Variants in INTS7 observed in about 807,000 individuals in gnomAD.
INTS7 encodes the protein chromosome 1 open reading frame 73.
Under a neutral mutation model 109.2 loss-of-function variants are expected in INTS7, and 46 were observed. The ratio of observed to expected loss-of-function variants is 0.42; its 90% CI spans 0.33 to 0.54. INTS7 has a LOEUF of 0.54. Among genes scored for constraint, INTS7 ranks in the 20% least tolerant of loss-of-function variants. The pLI is 0.07. For synonymous variants in INTS7, 412 were observed against 402.9 expected, an observed-to-expected ratio of 1.02 and a Z score of -0.27; for missense variants, 929 against 1,132.4, an observed-to-expected ratio of 0.82 and a Z score of 2.58.
At chr1:212,028,386 C>T (rs946530376) in intron 1 of INTS7, among the ~76,000 whole-genome samples, 2 of 152,074 alleles carry the variant, frequency 1.3e-5, no homozygotes, top group Non-Finnish European at 2.9e-5. Flanking sequence ...AGTGTCTGAC[C>T]AAAGAAACAT....
At chr1:212,024,343 G>A (rs375960539) in intron 1 of INTS7, among the ~76,000 whole-genome samples, 4 of 152,186 alleles carry the variant, frequency 2.6e-5, no homozygotes, top group African/African-American at 7.2e-5. Flanking sequence ...CATGAGCATG[G>A]AATGTTTTTC....
chr1:211,975,552 T>C (rs1414009745), intron 12 of INTS7, among the ~76,000 whole-genome samples, 180 bp from the exon 13 acceptor site: 3 of 152,224 alleles, frequency 2.0e-5, no homozygotes, highest in Admixed American at 2.0e-4. Flanking sequence ...AGAGAAAATA[T>C]GCTGAGTTGC....
chr1:211,953,814 G>C (rs1378085810), intron 16 of INTS7, among the ~76,000 whole-genome samples: 1 of 151,532 alleles, frequency 6.6e-6, no homozygotes, highest in Admixed American at 6.6e-5. Context: ...TGGACATTTG[G>C]GTTGGTTCCA....
chr1:212,025,086 T>A (rs79502881), intron 1 of INTS7, among the ~76,000 whole-genome samples: 2,439 of 152,320 alleles, frequency 0.016, 65 homozygotes, highest in African/African-American at 0.056. Flanking sequence ...CTTGTTATTC[T>A]CCCTCTCTAA....
intron 9 of INTS7, 97 bp downstream of exon 9, chr1:211,982,579 A>C: frequency 2.2e-6 from 2 of 911,760 alleles, no homozygotes; most frequent in South Asian, 2.3e-5. Flanking sequence ...ATCAAGGCAC[A>C]CAGGCTAAAA....
rs1457936544 is a variant in INTS7, at chr1:211,975,229, A to C, written c.1752T>G (p.Ser584Arg). ...CLTGLQEENY[S>R]SALSCIAESL... The stretch of plus-strand genomic sequence containing the variant: ...ATTCAGCAATGCAAGAAAGTGCTGA[A>C]CTATAATTTTCCTCTTGCAACCCAG... Residue 584 changes from serine to arginine, a missense_variant, in exon 13 of 20, where the codon AGT becomes AGG. Physicochemically the swap from Ser to Arg is moderately radical, Grantham distance 110. Around this residue, in one of 2 missense-constraint regions of INTS7, gnomAD observed 787 missense variants for 901.1 expected, o/e 0.87. Coordinates refer to ENST00000366994, the MANE Select transcript of INTS7 (RefSeq NM_015434.4). 4 of 1,614,018 alleles carry C rather than the reference A, an allele frequency of 2.5e-6. No homozygotes were observed. In the East Asian group the frequency reaches 6.7e-5, roughly 27 times the overall value.
At chr1:211,984,034 T>C (rs1664782607) in intron 8 of INTS7, among the ~76,000 whole-genome samples, 1 of 151,980 alleles carries the variant, frequency 6.6e-6, no homozygotes, top group African/African-American at 2.4e-5. Flanking sequence ...TGGCTAATTT[T>C]GTTATTTTTT....
chr1:211,961,078 G>A (rs1011142252), intron 16 of INTS7, among the ~76,000 whole-genome samples: 5 of 151,482 alleles, frequency 3.3e-5, no homozygotes, highest in Non-Finnish European at 5.9e-5. Context: ...CGAGAAATAT[G>A]GGATTATGTA....
At chr1:212,023,709 T>C (rs1666803691) in intron 1 of INTS7, among the ~76,000 whole-genome samples, 1 of 152,348 alleles carries the variant, frequency 6.6e-6, no homozygotes, top group East Asian at 1.9e-4. Context: ...ACTCTGTTGA[T>C]AGTTTCTTTT....
chr1:211,985,670 C>T (rs1489539070), intron 8 of INTS7, among the ~76,000 whole-genome samples: 1 of 152,126 alleles, frequency 6.6e-6, no homozygotes, highest in East Asian at 1.9e-4. Flanking sequence ...TGAGTCAGAC[C>T]GCTGAGTTCA....
intron 17 of INTS7, among the ~76,000 whole-genome samples, chr1:211,949,257 T>A (rs1382433678): frequency 1.3e-5 from 2 of 152,216 alleles, no homozygotes; most frequent in African/African-American, 2.4e-5. Flanking sequence ...CCCACTCCCG[T>A]GACTTTAAGA....
intron 15 of INTS7, among the ~76,000 whole-genome samples, chr1:211,967,257 C>T (rs1663930666): frequency 6.6e-6 from 1 of 151,814 alleles, no homozygotes; most frequent in Non-Finnish European, 1.5e-5. Context: ...TTGAGACCAG[C>T]CTGGCCAACA....
intron 13 of INTS7, among the ~76,000 whole-genome samples, chr1:211,972,979 T>C (rs1433285059): frequency 6.6e-6 from 1 of 152,212 alleles, no homozygotes. Context: ...TCTCTTTTTT[T>C]TGAGACAGAG....
chr1:211,953,273 G>A (rs184071336), intron 16 of INTS7, among the ~76,000 whole-genome samples: 14 of 152,264 alleles, frequency 9.2e-5, no homozygotes, highest in South Asian at 2.1e-4. Context: ...TATACACAGC[G>A]TGCTGGGATA....
In INTS7 at chr1:211,991,730, G is replaced by T. The variant is rs577907481; in HGVS notation, c.880-3727C>A. 2.0e-5 allele frequency among the ~76,000 whole-genome samples: 3 copies of T among 152,336 alleles called. No homozygotes were observed. In the East Asian group the frequency reaches 5.8e-4, roughly 29 times the overall value. ...AGGTAAAAGGACTAGATTGTTGGAG[G>T]CCCTGCAAACTGGCATTAAGAAAGG... On this transcript the variant is annotated intron_variant, in intron 7 of 19. Transcript: ENST00000366994.
intron 16 of INTS7, among the ~76,000 whole-genome samples, chr1:211,953,366 C>A (rs1011317814): frequency 6.6e-6 from 1 of 151,978 alleles, no homozygotes; most frequent in Non-Finnish European, 1.5e-5. Context: ...TGAAAAAAGG[C>A]ATTTCTATTT....
intron 9 of INTS7, among the ~76,000 whole-genome samples, chr1:211,982,019 G>A (rs139813508): frequency 0.026 from 3,930 of 152,236 alleles, 56 homozygotes; most frequent in African/African-American, 0.045. Context: ...AAGCAGTGCT[G>A]AAGGCTAGGG....
intron 16 of INTS7, among the ~76,000 whole-genome samples, chr1:211,953,243 C>T (rs1004184740): frequency 2.0e-5 from 3 of 152,142 alleles, no homozygotes; most frequent in African/African-American, 7.2e-5. Flanking sequence ...AACGCATAGG[C>T]ACGTTCAGAA....
intron 7 of INTS7, among the ~76,000 whole-genome samples, chr1:212,006,041 C>T (rs1357852083): frequency 6.6e-6 from 1 of 151,996 alleles, no homozygotes; most frequent in Non-Finnish European, 1.5e-5. Flanking sequence ...GCATTATTTG[C>T]AAAATGGTGT....
Sources: gnomAD v4.1 joint callset for allele counts (sites outside exome capture counted in the v4.1 genomes callset) on GRCh38, gnomAD v4.1.1 for gene constraint, gnomAD v4.1.1 regional missense constraint, MANE v1.5 for transcripts, NCBI Gene and HGNC (gene_info 2026-07-23, HGNC 2026-07-21) for gene names.